Variants in ASIC2 observed in about 807,000 individuals in gnomAD.
ASIC2 encodes the protein acid-sensing ion channel 2.
A neutral mutation model predicts 57.3 loss-of-function variants in ASIC2; 25 were observed. The ratio of observed to expected loss-of-function variants is 0.44; its 90% CI spans 0.32 to 0.61. The LOEUF (loss-of-function observed/expected upper bound fraction) is 0.61. ASIC2 is among the 20% of genes least tolerant of loss of function. The probability of loss-of-function intolerance (pLI) is 0.06; values close to 1 mark genes in which losing one functional copy is unlikely to be tolerated. For synonymous variants in ASIC2, 319 were observed against 307.5 expected, an observed-to-expected ratio of 1.04 and a Z score of -0.39; for missense variants, 641 against 738.1, an observed-to-expected ratio of 0.87 and a Z score of 1.52.
chr17:33,520,537 C>G (rs866466837), intron 1 of ASIC2, among the ~76,000 whole-genome samples: 1 of 152,188 alleles, frequency 6.6e-6, no homozygotes, highest in Non-Finnish European at 1.5e-5. Flanking sequence ...CAGTCCAGTA[C>G]AGTCGTATTA....
intron 1 of ASIC2, chr17:33,932,764 T>TATATATATATATATATATATA (rs1426929604): frequency 1.7e-5 from 2 of 116,472 alleles, no homozygotes; most frequent in African/African-American, 6.5e-5. Flanking sequence ...ATATATATAG[T>TATATATATATATATATATATA]ATGATAAATT....
chr17:33,110,484 C>T (rs1238480388), intron 2 of ASIC2, among the ~76,000 whole-genome samples: 12 of 152,160 alleles, frequency 7.9e-5, no homozygotes, highest in African/African-American at 2.2e-4. Flanking sequence ...TGATGGGGCT[C>T]GGGGTGCCCT....
At chr17:34,092,291 C>G (rs1910363512) in intron 1 of ASIC2, among the ~76,000 whole-genome samples, 1 of 152,192 alleles carries the variant, frequency 6.6e-6, no homozygotes, top group African/African-American at 2.4e-5. Flanking sequence ...GTGGTATTGG[C>G]CAGATGTACT....
At chr17:34,091,670 G>T (rs917064346) in intron 1 of ASIC2, among the ~76,000 whole-genome samples, 35 of 152,302 alleles carry the variant, frequency 2.3e-4, no homozygotes, top group African/African-American at 8.4e-4. Flanking sequence ...ATGAGAGAAA[G>T]AACATAACAG....
intron 1 of ASIC2, among the ~76,000 whole-genome samples, chr17:34,013,159 G>T (rs544524816): frequency 6.6e-6 from 1 of 152,308 alleles, no homozygotes; most frequent in South Asian, 2.1e-4. Flanking sequence ...ATAGACGGGG[G>T]CCAACTGGCA....
chr17:33,069,045 A>T (rs1401826230), intron 3 of ASIC2, among the ~76,000 whole-genome samples: 1 of 152,180 alleles, frequency 6.6e-6, no homozygotes, highest in African/African-American at 2.4e-5. Flanking sequence ...TTTTCATTTT[A>T]ACCTCTTCAA....
intron 1 of ASIC2, among the ~76,000 whole-genome samples, chr17:33,122,065 C>G (rs2092304822): frequency 6.6e-6 from 1 of 152,192 alleles, no homozygotes. Context: ...GGAAGCAGAA[C>G]CCAGGAGGAG....
chr17:33,050,526 C>A (rs988956751), intron 3 of ASIC2, among the ~76,000 whole-genome samples: 18 of 152,166 alleles, frequency 1.2e-4, no homozygotes, highest in African/African-American at 4.3e-4. Flanking sequence ...AACTCAGGGG[C>A]ATTGGAAAGA....
intron 1 of ASIC2, among the ~76,000 whole-genome samples, chr17:33,893,382 C>A (rs542829883): frequency 6.6e-6 from 1 of 152,182 alleles, no homozygotes. Context: ...GCTGTGTGAT[C>A]TCAGATGAGT....
At chr17:33,139,628 T>C (rs979913784) in intron 1 of ASIC2, among the ~76,000 whole-genome samples, 1 of 152,168 alleles carries the variant, frequency 6.6e-6, no homozygotes, top group Admixed American at 6.5e-5. Flanking sequence ...GGTTTGTTGC[T>C]GATGCTGCCA....
chr17:33,557,067 T>C (rs972166477), intron 1 of ASIC2, among the ~76,000 whole-genome samples: 8 of 152,228 alleles, frequency 5.3e-5, no homozygotes, highest in Non-Finnish European at 7.3e-5. Context: ...CTAGTATTTG[T>C]GGAGCATCTT....
chr17:33,584,026 C>A (rs1373457628), intron 1 of ASIC2, among the ~76,000 whole-genome samples: 1 of 152,104 alleles, frequency 6.6e-6, no homozygotes, highest in Non-Finnish European at 1.5e-5. Context: ...TGTTTTCTTT[C>A]CTGTGCCCTA....
At chr17:34,030,583 G>A (rs1331948161) in intron 1 of ASIC2, among the ~76,000 whole-genome samples, 2 of 152,202 alleles carry the variant, frequency 1.3e-5, no homozygotes, top group Admixed American at 6.5e-5. Context: ...AAGCTCAAGG[G>A]GTCAGGGAAT....
At chr17:33,811,401 C>T (rs1234829761) in intron 1 of ASIC2, among the ~76,000 whole-genome samples, 5 of 152,342 alleles carry the variant, frequency 3.3e-5, no homozygotes, top group South Asian at 4.1e-4. Flanking sequence ...AAAGGATTCA[C>T]GCTCATATCC....
chr17:34,152,069 C>T (rs915521148), intron 1 of ASIC2, among the ~76,000 whole-genome samples: 12 of 152,014 alleles, frequency 7.9e-5, no homozygotes, highest in Non-Finnish European at 1.6e-4. Flanking sequence ...ACCCATTTGG[C>T]CTTGTGCAAG....
At chr17:34,143,137 C>T (rs910548338) in intron 1 of ASIC2, 1 of 152,120 alleles carries the variant, frequency 6.6e-6, no homozygotes, top group Non-Finnish European at 1.5e-5. Context: ...TTTCATTCAG[C>T]TCAGCCCTGC....
At chr17:33,060,190 CT>C (rs2092015067) in intron 3 of ASIC2, among the ~76,000 whole-genome samples, 1 of 152,168 alleles carries the variant, frequency 6.6e-6, no homozygotes, top group South Asian at 2.1e-4. Flanking sequence ...TCAATTTTGG[CT>C]TTTGTAGCCA....
chr17:33,664,422 A>G (rs948136945), intron 1 of ASIC2, among the ~76,000 whole-genome samples: 1 of 152,192 alleles, frequency 6.6e-6, no homozygotes, highest in Admixed American at 6.5e-5. Context: ...GGCTTATATC[A>G]ATATGCCCCA....
At chr17:33,592,466 G>A (rs971317089) in intron 1 of ASIC2, among the ~76,000 whole-genome samples, 1 of 152,230 alleles carries the variant, frequency 6.6e-6, no homozygotes, top group African/African-American at 2.4e-5. Flanking sequence ...CTTAGAGGGG[G>A]TCAGCATTGT....
Sources: gnomAD v4.1 joint callset for allele counts (sites outside exome capture counted in the v4.1 genomes callset) on GRCh38, gnomAD v4.1.1 for gene constraint, MANE v1.5 for transcripts, NCBI Gene and HGNC (gene_info 2026-07-23, HGNC 2026-07-21) for gene names.